CCDC91: variants seen among roughly 807,000 people sequenced by gnomAD.
CCDC91 encodes the protein coiled-coil domain containing 91, also known as coiled-coil domain-containing protein 91.
In CCDC91, 48 loss-of-function variants were observed where a neutral mutation model predicts 63.2. The ratio of observed to expected loss-of-function variants is 0.76; its 90% CI spans 0.60 to 0.97. The LOEUF (loss-of-function observed/expected upper bound fraction) is 0.97. Ranked by LOEUF, CCDC91 falls within the 50% of genes least tolerant of loss-of-function variation. The pLI is 0.00. For synonymous variants in CCDC91, 167 were observed against 165.8 expected (o/e 1.01, Z -0.06); for missense variants, 500 against 494.6 (o/e 1.01, Z -0.10).
chr12:28,490,123 T>C (rs1951921175), intron 12 of CCDC91, among the ~76,000 whole-genome samples: 1 of 151,812 alleles, frequency 6.6e-6, no homozygotes. Flanking sequence ...TGTAGGAAAA[T>C]GGCGCTTTCC....
intron 8 of CCDC91, among the ~76,000 whole-genome samples, chr12:28,423,218 G>A (rs1948115068): frequency 6.6e-6 from 1 of 152,044 alleles, no homozygotes; most frequent in African/African-American, 2.4e-5. Flanking sequence ...TACAAATAGA[G>A]AAAAATTCTT....
intron 4 of CCDC91, 127 bp from the exon 5 acceptor site, chr12:28,306,614 GA>G: frequency 1.7e-6 from 1 of 598,674 alleles, no homozygotes; most frequent in Non-Finnish European, 2.8e-6. Context: ...CTTAAAGGGT[GA>G]AATAATTTCG....
At chr12:28,243,646 AAG>A (rs953357364) in intron 1 of CCDC91, among the ~76,000 whole-genome samples, 10 of 152,200 alleles carry the variant, frequency 6.6e-5, no homozygotes, top group South Asian at 2.1e-4. Flanking sequence ...AAGAATGAAA[AAG>A]AGATATATAA....
intron 7 of CCDC91, among the ~76,000 whole-genome samples, chr12:28,376,645 T>G (rs1365911428): frequency 6.6e-6 from 1 of 151,852 alleles, no homozygotes; most frequent in African/African-American, 2.4e-5. Flanking sequence ...ACATTATAGC[T>G]TAAGGAATAT....
At chr12:28,404,010 T>C (rs1254867756) in intron 8 of CCDC91, among the ~76,000 whole-genome samples, 1 of 152,066 alleles carries the variant, frequency 6.6e-6, no homozygotes, top group Non-Finnish European at 1.5e-5. Flanking sequence ...TTTCTTGTTT[T>C]TAATTTCATT....
chr12:28,534,202 T>C (rs1465249083), intron 12 of CCDC91, among the ~76,000 whole-genome samples: 3 of 152,196 alleles, frequency 2.0e-5, no homozygotes, highest in Non-Finnish European at 4.4e-5. Flanking sequence ...AATTTCCTAA[T>C]CTGTAAACTA....
At chr12:28,318,402 C>G (rs1361822844) in intron 6 of CCDC91, among the ~76,000 whole-genome samples, 2 of 151,420 alleles carry the variant, frequency 1.3e-5, no homozygotes, top group Non-Finnish European at 3.0e-5. Context: ...AGCTGCTGGG[C>G]ATGGTGTGTG....
Position 28,327,996 on chromosome 12 carries a change from C to T in CCDC91, c.576+20247C>T, listed in dbSNP as rs1463143388. Among the ~76,000 whole-genome samples, 3 of 152,026 alleles carry T rather than the reference C, an allele frequency of 2.0e-5. No individual in the cohort carries two copies. In the East Asian group the frequency reaches 5.8e-4, roughly 29 times the overall value. The stretch of plus-strand genomic sequence containing the variant: ...GCGTTATGCTGGGTAACAAAAAGAT[C>T]CCCCTGTGTAATATATTCTTGGTAA... On this transcript the variant is annotated intron_variant, in intron 6 of 12. Coordinates refer to ENST00000536442, the MANE Select transcript of CCDC91 (RefSeq NM_018318.5).
intron 12 of CCDC91, among the ~76,000 whole-genome samples, chr12:28,508,932 G>C (rs1296328223): frequency 6.6e-6 from 1 of 151,944 alleles, no homozygotes; most frequent in Non-Finnish European, 1.5e-5. Flanking sequence ...CTAGAGAGTG[G>C]ATTACAGGAT....
chr12:28,503,286 T>A (rs1464422010), intron 12 of CCDC91, among the ~76,000 whole-genome samples: 6 of 151,858 alleles, frequency 4.0e-5, no homozygotes, highest in South Asian at 2.1e-4. Context: ...ACATGAACAG[T>A]CACTTCTCAA....
chr12:28,496,135 G>A (rs1206065283), intron 12 of CCDC91, among the ~76,000 whole-genome samples: 1 of 151,586 alleles, frequency 6.6e-6, no homozygotes, highest in Non-Finnish European at 1.5e-5. Context: ...TATTAGGTAA[G>A]CAGCCAAGTT....
intron 12 of CCDC91, among the ~76,000 whole-genome samples, chr12:28,488,977 C>A (rs1951862367): frequency 6.6e-6 from 1 of 152,036 alleles, no homozygotes; most frequent in East Asian, 1.9e-4. Flanking sequence ...AACATACATT[C>A]ACATCCATTC....
At chr12:28,508,457 G>A (rs1172131308) in intron 12 of CCDC91, among the ~76,000 whole-genome samples, 1 of 151,804 alleles carries the variant, frequency 6.6e-6, no homozygotes, top group Non-Finnish European at 1.5e-5. Flanking sequence ...TATGACTGCT[G>A]TGCTTGTCTA....
intron 8 of CCDC91, among the ~76,000 whole-genome samples, chr12:28,396,644 TTG>T (rs1283305556): frequency 0.083 from 1,301 of 15,728 alleles, 16 homozygotes; most frequent in Admixed American, 0.11. Context: ...AAAGGAGATT[TTG>T]TGTGTGTGTG....
intron 8 of CCDC91, among the ~76,000 whole-genome samples, chr12:28,400,990 T>A (rs1193525866): frequency 6.6e-6 from 1 of 152,116 alleles, no homozygotes; most frequent in Non-Finnish European, 1.5e-5. Flanking sequence ...CTTTAGGAAG[T>A]TCCAAACTTT....
intron 11 of CCDC91, among the ~76,000 whole-genome samples, chr12:28,480,916 A>G (rs1206590116): frequency 1.3e-5 from 2 of 152,064 alleles, no homozygotes; most frequent in Middle Eastern, 3.2e-3. Context: ...ACTGAAATGT[A>G]TAGTAGATTT....
chr12:28,202,872 C>G (rs944055496), intron 1 of CCDC91, among the ~76,000 whole-genome samples: 1 of 152,244 alleles, frequency 6.6e-6, no homozygotes, highest in African/African-American at 2.4e-5. Flanking sequence ...CCAACTGTTA[C>G]TGCCACCTCA....
chr12:28,508,240 A>G (rs1269686317), intron 12 of CCDC91, among the ~76,000 whole-genome samples: 1 of 151,712 alleles, frequency 6.6e-6, no homozygotes, highest in Non-Finnish European at 1.5e-5. Context: ...TTTTCTGGGG[A>G]GACTTAAAAG....
chr12:28,447,713 A>C lies in CCDC91; in HGVS notation c.763-2448A>C, dbSNP rs1193765839. Among the ~76,000 whole-genome samples, 13 of 59,020 alleles carry C rather than the reference A, an allele frequency of 2.2e-4. 1 individual carries two copies. The highest frequency in any genetic ancestry group is 6.9e-4 in the African/African-American group (10 of 14,520). 38.7% of individuals were successfully genotyped at this position (59,020 alleles called of 152,430 possible). Reference sequence around the variant, plus strand: ...GAAGGAATGAATAAAGAAGAATGGGAAGGGCAGGGCAGGGCAGGGCAGGGC... The same window carrying C: ...GAAGGAATGAATAAAGAAGAATGGGCAGGGCAGGGCAGGGCAGGGCAGGGC... On this transcript the variant is annotated intron_variant, in intron 8 of 12. Transcript: ENST00000536442.
Sources: allele counts gnomAD v4.1 joint callset (sites outside exome capture counted in the v4.1 genomes callset), GRCh38; gene constraint gnomAD v4.1.1; transcripts MANE v1.5; gene names NCBI Gene and HGNC (gene_info 2026-07-23, HGNC 2026-07-21).